Variants in AASDH observed in about 807,000 individuals in gnomAD.
The protein encoded by AASDH is beta-alanine-activating enzyme.
AASDH carries 81 observed loss-of-function variants against 102.3 expected under a neutral mutation model. The ratio of observed to expected loss-of-function variants is 0.79; its 90% CI spans 0.66 to 0.95. The LOEUF is 0.95. Among genes scored for constraint, AASDH ranks in the 40% least tolerant of loss-of-function variants. The probability of loss-of-function intolerance (pLI) is 0.00; values close to 1 mark genes in which losing one functional copy is unlikely to be tolerated. For synonymous variants in AASDH, 398 were observed against 454.0 expected (o/e 0.88, Z 1.57); for missense variants, 1,203 against 1,266.2 (o/e 0.95, Z 0.76).
chr4:56,370,763 CTG>C (rs895313197), intron 5 of AASDH, among the ~76,000 whole-genome samples: 1 of 152,218 alleles, frequency 6.6e-6, no homozygotes, highest in Admixed American at 6.5e-5. Flanking sequence ...CTATGCTACA[CTG>C]TCTCATTTAA....
In AASDH at chr4:56,349,531, A is replaced by C; in HGVS notation, c.2220T>G (p.Val740=). ...KSKDPSCVAK[V]SEEGKPAIGT... is the part of the protein sequence containing the mutation. ...CTATCGCAGGTTTCCCCTCTTCAGA[A>C]ACTTTTGCAACACAGGATGGATCTT... Residue 740 remains valine, a synonymous_variant, in exon 11 of 15, where the codon GTT becomes GTG. Transcript: ENST00000205214. 1 of 1,614,222 alleles carries C rather than the reference A, an allele frequency of 6.2e-7. No homozygotes were observed. The highest frequency in any genetic ancestry group is 8.5e-7 in the Non-Finnish European group (1 of 1,180,034).
chr4:56,380,422 G>A (rs536755844), intron 3 of AASDH, among the ~76,000 whole-genome samples: 180 of 152,266 alleles, frequency 1.2e-3, no homozygotes, highest in African/African-American at 4.1e-3. Flanking sequence ...TCACAACCCA[G>A]AAGCCTACAG....
chr4:56,366,693 A>G (rs1475266359), intron 5 of AASDH, among the ~76,000 whole-genome samples: 2 of 151,616 alleles, frequency 1.3e-5, no homozygotes, highest in East Asian at 1.9e-4. Context: ...AAAACTCTCA[A>G]TAAATTAGGT....
chr4:56,374,923 C>T (rs1455246208), intron 4 of AASDH, among the ~76,000 whole-genome samples: 2 of 152,094 alleles, frequency 1.3e-5, no homozygotes, highest in Non-Finnish European at 2.9e-5. Flanking sequence ...TATCCTTATC[C>T]AAGCCTTTAA....
chr4:56,341,603 A>G, intron 14 of AASDH, among the ~76,000 whole-genome samples: 1 of 142,810 alleles, frequency 7.0e-6, no homozygotes, highest in South Asian at 2.2e-4. Context: ...GGGTTTCACC[A>G]TGTTGGCCAG....
chr4:56,378,074 G>A, intron 4 of AASDH, 74 bp downstream of exon 4: 3 of 1,419,530 alleles, frequency 2.1e-6, no homozygotes, highest in South Asian at 1.4e-5. Flanking sequence ...CCAAAGTGCT[G>A]GGATTACAGG....
chr4:56,338,326 T>TAAG lies in AASDH; in HGVS notation c.*73_*75dup, dbSNP rs1413530664. ...AAATATAATCTTCTTTAATATAAAA[T>TAAG]AAGTCCACATGATGTATAATGGTAA... On this transcript the variant is annotated 3_prime_UTR_variant, in exon 15 of 15. Coordinates refer to ENST00000205214, the MANE Select transcript of AASDH (RefSeq NM_181806.4). 10 of 1,459,488 alleles carry TAAG rather than the reference T, an allele frequency of 6.9e-6. No individual in the cohort carries two copies. The East Asian group carries it at 1.8e-4, about 27-fold the overall frequency. The allele number at this position is 1,459,488 out of a possible 1,614,324, so 90.4% of individuals were successfully genotyped here. A position where few individuals can be genotyped will look rare whatever the true frequency, so the allele number is the denominator to read the frequency against.
chr4:56,349,985 G>A lies in AASDH; in HGVS notation c.1766C>T (p.Ser589Phe). 1.2e-6 allele frequency: 2 copies of A among 1,612,632 alleles called. No homozygotes were observed. The highest frequency in any genetic ancestry group is 1.7e-6 in the Non-Finnish European group (2 of 1,179,994). ...ACTGAGGAGCCGGATGGACTTTAAG[G>A]AATCTCCACCACTATTTAAGAAGAG... is the stretch of plus-strand genomic sequence containing the variant. ...ESLFLNSGGD[S>F]LKSIRLLSEI... Residue 589 changes from serine to phenylalanine, a missense_variant, in exon 11 of 15, where the codon TCC (serine) becomes TTC (phenylalanine). Ser to Phe is a radical substitution (Grantham distance 155). Transcript: ENST00000205214.
At position 56,378,034 on chromosome 4, in the gene AASDH, G is replaced by A. The variant is rs113906449; in HGVS notation, c.668+114C>T. The A allele has an allele frequency of 8.7e-5, 87 of 999,418 alleles. No homozygotes were observed. The African/African-American group carries it at 1.3e-3, about 15-fold the overall frequency. The allele number at this position is 999,418 out of a possible 1,614,324, so 61.9% of individuals were successfully genotyped here. The stretch of plus-strand genomic sequence containing the variant: ...TTGGCCAGGCTGATCTTGAACTCCT[G>A]ACCTCAAGTGATCCACCCGCCTCAG... On this transcript the variant is annotated intron_variant, in intron 4 of 14. Transcript: ENST00000205214.
intron 5 of AASDH, chr4:56,356,470 G>C (rs1298713525): frequency 1.9e-6 from 3 of 1,551,672 alleles, no homozygotes; most frequent in Non-Finnish European, 2.6e-6. Flanking sequence ...AAGAAGCAGA[G>C]GCTGTTGACC....
At chr4:56,345,712 T>C (rs914208837) in intron 11 of AASDH, among the ~76,000 whole-genome samples, 5 of 152,214 alleles carry the variant, frequency 3.3e-5, no homozygotes, top group Admixed American at 3.3e-4. Context: ...TCCAGGGTTA[T>C]TGCAACAATT....
At chr4:56,351,859 G>C (rs1238764654) in intron 9 of AASDH, among the ~76,000 whole-genome samples, 1 of 150,102 alleles carries the variant, frequency 6.7e-6, no homozygotes, top group African/African-American at 2.5e-5. Context: ...GGCTGCAGTA[G>C]TGAGCCCTGA....
intron 5 of AASDH, among the ~76,000 whole-genome samples, chr4:56,370,191 T>C (rs1245441139): frequency 6.6e-6 from 1 of 151,808 alleles, no homozygotes. Flanking sequence ...GGTGAAACCC[T>C]GTCTCTACCA....
At chr4:56,353,290 A>G in intron 9 of AASDH, 114 bp downstream of exon 9, 3 of 853,750 alleles carry the variant, frequency 3.5e-6, no homozygotes, top group Non-Finnish European at 5.1e-6. Flanking sequence ...AGGGTCTATC[A>G]CAATAAATGC....
chr4:56,376,433 C>T (rs865901272), intron 4 of AASDH, among the ~76,000 whole-genome samples: 33 of 152,286 alleles, frequency 2.2e-4, no homozygotes, highest in African/African-American at 7.5e-4. Flanking sequence ...ACCTCTATTT[C>T]GTTATCTCCT....
intron 8 of AASDH, 26 bp downstream of exon 8, chr4:56,354,013 G>C (rs1304771574): frequency 6.4e-7 from 1 of 1,569,124 alleles, no homozygotes; most frequent in African/African-American, 1.4e-5. Flanking sequence ...TATATTAATA[G>C]ATATTCAATA....
intron 11 of AASDH, 142 bp from the exon 12 acceptor site, chr4:56,345,432 A>T: frequency 1.4e-6 from 1 of 738,422 alleles, no homozygotes; most frequent in Non-Finnish European, 2.1e-6. Flanking sequence ...CATTTTAGCA[A>T]TGTAAAGCAG....
chr4:56,349,438 C>T lies in AASDH; in HGVS notation c.2313G>A (p.Pro771=), dbSNP rs755743872. Reference sequence around the variant, plus strand: ...TATCAAAAGTGGGTATTACAACCAGCGGTGAAGCATCTACACATTTGCCTG... The same window carrying T: ...TATCAAAAGTGGGTATTACAACCAGTGGTGAAGCATCTACACATTTGCCTG... ...SDTGKCVDAS[P]LVVIPTFDKS... is the part of the protein sequence containing the mutation. Residue 771 remains proline (P), a synonymous_variant, in exon 11 of 15, where the codon CCG becomes CCA. Coordinates refer to ENST00000205214, the MANE Select transcript of AASDH (RefSeq NM_181806.4). 5.8e-5 allele frequency: 93 copies of T among 1,613,900 alleles called. 1 individual carries two copies. Among genetic ancestry groups the T allele is most frequent in the South Asian group, 2.0e-4 (18 of 91,066 alleles).
chr4:56,372,243 C>T (rs1022794041), intron 4 of AASDH, among the ~76,000 whole-genome samples: 3 of 152,194 alleles, frequency 2.0e-5, no homozygotes, highest in Admixed American at 1.3e-4. Context: ...CTCATGGCCA[C>T]GGGATTCCAG....
Sources: allele counts gnomAD v4.1 joint callset (sites outside exome capture counted in the v4.1 genomes callset), GRCh38; gene constraint gnomAD v4.1.1; transcripts MANE v1.5; gene names NCBI Gene and HGNC (gene_info 2026-07-23, HGNC 2026-07-21).